Variants in IFFO2 observed in about 807,000 individuals in gnomAD.
The protein encoded by IFFO2 is intermediate filament family orphan 2.
In IFFO2, 19 loss-of-function variants were observed where a neutral mutation model predicts 53.5. That is an observed-to-expected ratio of 0.36 (90% CI 0.25 to 0.52). The LOEUF is 0.52. Ranked by LOEUF, IFFO2 falls within the 20% of genes least tolerant of loss-of-function variation. The pLI is 0.94. For synonymous variants in IFFO2, 303 were observed against 313.6 expected (o/e 0.97, Z 0.36); for missense variants, 570 against 727.4 (o/e 0.78, Z 2.49).
At chr1:18,929,969 C>T (rs992811062) in intron 1 of IFFO2, among the ~76,000 whole-genome samples, 2 of 152,212 alleles carry the variant, frequency 1.3e-5, no homozygotes, top group African/African-American at 4.8e-5. Context: ...CCTGACAAAC[C>T]ACAAATGCTC....
chr1:18,921,523 G>C (rs1324349094), intron 1 of IFFO2, among the ~76,000 whole-genome samples: 1 of 152,206 alleles, frequency 6.6e-6, no homozygotes, highest in Non-Finnish European at 1.5e-5. Context: ...TCCACTCTCA[G>C]GCTGTTCTTT....
chr1:18,920,067 G>A (rs942350138), intron 2 of IFFO2, among the ~76,000 whole-genome samples: 21 of 152,328 alleles, frequency 1.4e-4, no homozygotes, highest in Admixed American at 5.2e-4. Context: ...AGATCAATCC[G>A]TGTGAAACTG....
intron 5 of IFFO2, among the ~76,000 whole-genome samples, chr1:18,913,872 C>T (rs1179757942): frequency 6.6e-6 from 1 of 152,172 alleles, no homozygotes; most frequent in Non-Finnish European, 1.5e-5. Flanking sequence ...TCGCTGTCGC[C>T]CAGGCTGGAG....
In IFFO2 at chr1:18,955,963, C is replaced by T; in HGVS notation, c.370G>A (p.Gly124Ser). ...LRPPAPGGGH[G>S]LSSGAAAGAN... ...CCGGCCGCCGCGCCACTGCTGAGGC[C>T]GTGCCCGCCGCCGGGCGCCGGGGGC... Residue 124 changes from glycine (G) to serine (S), a missense_variant, in exon 1 of 9, where the codon GGC becomes AGC. Physicochemically the swap from Gly to Ser is moderately conservative, Grantham distance 56. Coordinates refer to ENST00000455833, the MANE Select transcript of IFFO2 (RefSeq NM_001136265.2). 5.3e-6 allele frequency: 7 copies of T among 1,319,464 alleles called. No homozygotes were observed. Among genetic ancestry groups the T allele is most frequent in the Non-Finnish European group, 5.8e-6 (6 of 1,029,760 alleles). 81.7% of individuals were successfully genotyped at this position (1,319,464 alleles called of 1,614,324 possible).
intron 8 of IFFO2, 145 bp downstream of exon 8, chr1:18,910,192 TGGATG>T: frequency 3.6e-6 from 3 of 832,838 alleles, no homozygotes; most frequent in South Asian, 1.8e-5. Context: ...AGTCACTGGA[TGGATG>T]GATGGATGGA....
At chr1:18,927,995 C>T (rs1042359468) in intron 1 of IFFO2, among the ~76,000 whole-genome samples, 1 of 152,210 alleles carries the variant, frequency 6.6e-6, no homozygotes, top group Non-Finnish European at 1.5e-5. Flanking sequence ...GCTGGGAATA[C>T]AATGTGGAAA....
In IFFO2 at chr1:18,918,549, C is replaced by T. The variant is rs1193246831; in HGVS notation, c.823-47G>A. The T allele has an allele frequency of 6.5e-7, 1 of 1,543,632 alleles. No individual in the cohort carries two copies. Among genetic ancestry groups the T allele is most frequent in the South Asian group, 1.2e-5 (1 of 83,748 alleles). On this transcript the variant is annotated intron_variant, in intron 3 of 8. Transcript: ENST00000455833. The surrounding 1 kb of genome is among the most constrained non-coding windows in gnomAD (Gnocchi z 5.2). Reference sequence around the variant, plus strand: ...TTACATGAGCGAGGGATGGAGCAAGCCTGGGGGGCTTGGCAGAGAGGTGGG... The same window carrying T: ...TTACATGAGCGAGGGATGGAGCAAGTCTGGGGGGCTTGGCAGAGAGGTGGG...
At chr1:18,921,698 C>T (rs569590333) in intron 1 of IFFO2, among the ~76,000 whole-genome samples, 17 of 152,272 alleles carry the variant, frequency 1.1e-4, no homozygotes, top group East Asian at 7.7e-4. Flanking sequence ...AGACACACAG[C>T]GAGTCAGCAG....
intron 8 of IFFO2, 126 bp downstream of exon 8, chr1:18,910,208 TGGATGGAC>T: frequency 2.0e-6 from 2 of 1,001,540 alleles, no homozygotes; most frequent in Non-Finnish European, 2.9e-6. Flanking sequence ...GATGGATGGA[TGGATGGAC>T]GGACGGACGG....
intron 1 of IFFO2, among the ~76,000 whole-genome samples, chr1:18,926,714 G>A (rs1009591503): frequency 4.6e-5 from 7 of 151,848 alleles, no homozygotes; most frequent in African/African-American, 1.5e-4. Context: ...CCCCACTCAG[G>A]GCCAGTGCCT....
intron 1 of IFFO2, among the ~76,000 whole-genome samples, chr1:18,949,328 G>A (rs1936629310): frequency 6.6e-6 from 1 of 152,268 alleles, no homozygotes; most frequent in Non-Finnish European, 1.5e-5. Context: ...AGTCGATGCA[G>A]GGGCAGACAC....
At chr1:18,909,708 G>A (rs1936007115) in intron 8 of IFFO2, among the ~76,000 whole-genome samples, 1 of 152,192 alleles carries the variant, frequency 6.6e-6, no homozygotes, top group Non-Finnish European at 1.5e-5. Flanking sequence ...GGCCTCCTCA[G>A]CCATGTGGAA....
At chr1:18,911,877 A>G in intron 6 of IFFO2, 86 bp downstream of exon 6, 1 of 1,495,396 alleles carries the variant, frequency 6.7e-7, no homozygotes, top group Non-Finnish European at 9.0e-7. Context: ...GGGCTGTAGA[A>G]AAATAACAGG....
intron 1 of IFFO2, among the ~76,000 whole-genome samples, chr1:18,937,799 T>C (rs374067693): frequency 6.6e-6 from 1 of 152,214 alleles, no homozygotes; most frequent in Non-Finnish European, 1.5e-5. Context: ...GGCTCTCAGA[T>C]GGATGGAGGG....
chr1:18,925,380 C>T (rs1936268533), intron 1 of IFFO2, among the ~76,000 whole-genome samples: 1 of 152,244 alleles, frequency 6.6e-6, no homozygotes, highest in African/African-American at 2.4e-5. Context: ...CCAGGATCTC[C>T]TCTTCCCCAG....
intron 1 of IFFO2, among the ~76,000 whole-genome samples, chr1:18,932,742 G>A (rs1021239938): frequency 2.0e-5 from 3 of 152,234 alleles, no homozygotes; most frequent in African/African-American, 7.2e-5. Flanking sequence ...GTTCCTCTGT[G>A]TAGACTGGCC....
intron 1 of IFFO2, among the ~76,000 whole-genome samples, chr1:18,933,526 G>A (rs1241718166): frequency 1.3e-5 from 2 of 152,196 alleles, no homozygotes; most frequent in Non-Finnish European, 2.9e-5. Context: ...TGTAATCCCA[G>A]CACTTTGGGC....
chr1:18,940,350 T>C (rs1172985674), intron 1 of IFFO2, among the ~76,000 whole-genome samples: 1 of 152,210 alleles, frequency 6.6e-6, no homozygotes, highest in Non-Finnish European at 1.5e-5. Context: ...CGTGCAACTT[T>C]GGGCAAGTCA....
Position 18,919,899 on chromosome 1 carries a change from A to G in IFFO2, c.727-126T>C. On this transcript the variant is annotated intron_variant, in intron 2 of 8. Coordinates refer to ENST00000455833, the MANE Select transcript of IFFO2 (RefSeq NM_001136265.2). The surrounding 1 kb of genome is among the most constrained non-coding windows in gnomAD (Gnocchi z 4.9). ...CCCAGCTGGGCACCTGCAGCCAGGGAAGGGGCACCAAGGACCTCATCCCAG... is the reference window on the plus strand; with the variant it reads ...CCCAGCTGGGCACCTGCAGCCAGGGGAGGGGCACCAAGGACCTCATCCCAG... 1 of 633,672 alleles carries G rather than the reference A, an allele frequency of 1.6e-6. No homozygotes were observed. The highest frequency in any genetic ancestry group is 2.8e-6 in the Non-Finnish European group (1 of 357,210). The allele number at this position is 633,672 out of a possible 1,614,324, so 39.3% of individuals were successfully genotyped here.
Sources: allele counts gnomAD v4.1 joint callset (sites outside exome capture counted in the v4.1 genomes callset), GRCh38; gene constraint gnomAD v4.1.1; non-coding constraint Gnocchi (gnomAD v3.1); transcripts MANE v1.5; gene names NCBI Gene and HGNC (gene_info 2026-07-23, HGNC 2026-07-21).